EIF3G: variants seen among roughly 807,000 people sequenced by gnomAD.
The protein encoded by EIF3G is eukaryotic translation initiation factor 3 RNA-binding subunit.
In EIF3G, 10 loss-of-function variants were observed where a neutral mutation model predicts 41.7. The observed-to-expected ratio is 0.24, with a 90% CI of 0.15 to 0.41. The LOEUF (loss-of-function observed/expected upper bound fraction) is 0.41, where lower values mean the gene tolerates loss of function less well. Among genes scored for constraint, EIF3G ranks in the 10% least tolerant of loss-of-function variants. The pLI is 1.00. For synonymous variants in EIF3G, 204 were observed against 172.5 expected (o/e 1.18, Z -1.43); for missense variants, 297 against 444.0 (o/e 0.67, Z 2.98).
chr19:10,115,200 T>C (rs2089219659), intron 10 of EIF3G, 71 bp from the exon 11 acceptor site: 3 of 1,580,460 alleles, frequency 1.9e-6, no homozygotes, highest in Non-Finnish European at 2.6e-6. Context: ...CCAAGTGGCA[T>C]CTTGGGGGTG....
Position 10,116,673 on chromosome 19 carries a change from C to T in EIF3G, c.595+127G>A, listed in dbSNP as rs539405988. On this transcript the variant is annotated intron_variant, in intron 7 of 10. Transcript: ENST00000253108. This position sits in a 1 kb window ranked among gnomAD's most constrained non-coding sequence, Gnocchi z 4.1. ...TAGGAGGTACAGCCAATTAGGAAGG[C>T]ACAGACGCCCCGAGGAGAGTCTGGC... 1 of 963,308 alleles carries T rather than the reference C, an allele frequency of 1.0e-6. No individual in the cohort carries two copies. The highest frequency in any genetic ancestry group is 1.6e-5 in the African/African-American group (1 of 61,422). 59.7% of individuals were successfully genotyped at this position (963,308 alleles called of 1,614,324 possible). A position where few individuals can be genotyped will look rare whatever the true frequency, so the allele number is the denominator to read the frequency against.
At position 10,115,826 on chromosome 19, in the gene EIF3G, T is replaced by C; in HGVS notation, c.704-6A>G. The C allele has an allele frequency of 6.2e-7, 1 of 1,611,498 alleles. No individual in the cohort carries two copies. Among genetic ancestry groups the C allele is most frequent in the Non-Finnish European group, 8.5e-7 (1 of 1,179,662 alleles). ...GATGGTGGCGTTGTCGTCGGCTGTG[T>C]GGGAGAGGGGAGGTGGCTGTGAGGG... On this transcript the variant is annotated splice_polypyrimidine_tract_variant and splice_region_variant and intron_variant, in intron 8 of 10. Transcript: ENST00000253108.
At chr19:10,117,428 G>A (rs980913777) in intron 5 of EIF3G, 10 of 520,764 alleles carry the variant, frequency 1.9e-5, no homozygotes, top group Admixed American at 1.0e-4. Flanking sequence ...GCTACACAGC[G>A]TGGGGCCTGC....
rs1257254206 is a variant in EIF3G at position 10,116,690 on chromosome 19, G to A, written c.595+110C>T. 7.0e-6 allele frequency: 8 copies of A among 1,135,596 alleles called. No homozygotes were observed. The highest frequency in any genetic ancestry group is 8.6e-6 in the Non-Finnish European group (7 of 812,620). 70.3% of individuals were successfully genotyped at this position (1,135,596 alleles called of 1,614,324 possible). A position where few individuals can be genotyped will look rare whatever the true frequency, so the allele number is the denominator to read the frequency against. On this transcript the variant is annotated intron_variant, in intron 7 of 10. Transcript: ENST00000253108. The surrounding 1 kb of genome is among the most constrained non-coding windows in gnomAD (Gnocchi z 4.1). ...TAGGAAGGCACAGACGCCCCGAGGA[G>A]AGTCTGGCACCATCAAACCCGCTGC...
At position 10,119,664 on chromosome 19, in the gene EIF3G, C is replaced by G. The variant is rs749415592; in HGVS notation, c.57G>C (p.Glu19Asp). ...ACCGTGTACACTTACCGTCCTCCCC[C>G]TCCTCCTCCACCTGGTCGGCCCAAC... ...KPSWADQVEE[E>D]GEDDKCVTSE... Residue 19 changes from glutamate to aspartate, a missense_variant, in exon 2 of 11, where the codon GAG becomes GAC. Physicochemically the swap from Glu to Asp is conservative, Grantham distance 45 (BLOSUM62 2). Transcript: ENST00000253108. 6 of 1,579,232 alleles carry G rather than the reference C, an allele frequency of 3.8e-6. No homozygotes were observed. The highest frequency in any genetic ancestry group is 1.2e-5 in the South Asian group (1 of 85,294).
rs2089289677 is a variant in EIF3G at position 10,119,682 on chromosome 19, G to T, written c.39C>A (p.Ala13=). The T allele has an allele frequency of 5.0e-6, 8 of 1,591,854 alleles. No homozygotes were observed. In the East Asian group the frequency reaches 1.6e-4, roughly 31 times the overall value. The stretch of plus-strand genomic sequence containing the variant: ...CCTCCCCCTCCTCCTCCACCTGGTC[G>T]GCCCAACTGGGCTTCGAACTGCGGA... The part of the protein sequence containing the change: ...TGDFDSKPSW[A]DQVEEEGEDD... The change falls in exon 2 of 11, where the codon GCC becomes GCA. Residue 13 remains alanine (A), a synonymous_variant. Transcript: ENST00000253108.
At position 10,119,860 on chromosome 19, in the gene EIF3G, C is replaced by T. The variant is rs1462945583; in HGVS notation, c.-1G>A. The T allele has an allele frequency of 6.2e-7, 1 of 1,614,182 alleles. No individual in the cohort carries two copies. The highest frequency in any genetic ancestry group is 8.5e-7 in the Non-Finnish European group (1 of 1,180,038). On this transcript the variant is annotated 5_prime_UTR_variant, in exon 1 of 11. Coordinates refer to ENST00000253108, the MANE Select transcript of EIF3G (RefSeq NM_003755.5). ...CTCACTCAAAGTCTCCAGTAGGCATCGCAAAAAGTATTCTCCACGCAGCCC... is the reference window on the plus strand; with the variant it reads ...CTCACTCAAAGTCTCCAGTAGGCATTGCAAAAAGTATTCTCCACGCAGCCC...
intron 6 of EIF3G, 45 bp from the exon 7 acceptor site, chr19:10,117,034 C>T: frequency 6.2e-7 from 1 of 1,603,246 alleles, no homozygotes; most frequent in Non-Finnish European, 8.5e-7. Flanking sequence ...GCTAAGGCAC[C>T]CCCTTTGCCC....
intron 5 of EIF3G, 81 bp from the exon 6 acceptor site, chr19:10,117,269 G>A (rs1342383981): frequency 2.0e-6 from 2 of 1,015,122 alleles, no homozygotes; most frequent in Non-Finnish European, 2.9e-6. Flanking sequence ...ACCTACAACA[G>A]CCACCCCCAG....
rs141171264 is a variant in EIF3G at position 10,117,150 on chromosome 19, G to A, written c.339C>T (p.Pro113=). 8.1e-4 allele frequency: 1,306 copies of A among 1,611,616 alleles called. 2 individuals carry two copies. The highest frequency in any genetic ancestry group is 1.0e-3 in the Non-Finnish European group (1,182 of 1,178,742). ...CAGTGGTGGTGGCCACATTGGGTCC[G>A]GGGGGGTCAAACTCTGAGTTCCCGA... is the stretch of plus-strand genomic sequence containing the variant. ...KKFGNSEFDP[P]GPNVATTTVS... Residue 113 remains proline (P), a synonymous_variant, in exon 6 of 11, where the codon CCC becomes CCT. Coordinates refer to ENST00000253108, the MANE Select transcript of EIF3G (RefSeq NM_003755.5).
chr19:10,118,645 G>C (rs1360495999), intron 5 of EIF3G, 23 bp downstream of exon 5: 1 of 1,613,404 alleles, frequency 6.2e-7, no homozygotes, highest in Non-Finnish European at 8.5e-7. Flanking sequence ...CTCTAGGTTA[G>C]CCCTGGGGAA....
chr19:10,119,204 C>T (rs1462865265), intron 2 of EIF3G, 33 bp from the exon 3 acceptor site: 3 of 1,554,790 alleles, frequency 1.9e-6, no homozygotes, highest in South Asian at 2.4e-5. Context: ...GAGGAGTCAG[C>T]TCCAGGGGCA....
At chr19:10,119,012 G>A (rs1474549551) in intron 3 of EIF3G, 56 bp from the exon 4 acceptor site, 1 of 1,613,350 alleles carries the variant, frequency 6.2e-7, no homozygotes, top group Non-Finnish European at 8.5e-7. Context: ...GGGATCAGGA[G>A]CGGCAGGGCT....
Position 10,119,144 on chromosome 19 carries a change from T to C in EIF3G, c.95A>G (p.Lys32Arg). ...GTCACCTGTGGCCAGAGGGATCCCCTTGAGGAGCTCGCTGGTGACACATTT... is the reference window on the plus strand; with the variant it reads ...GTCACCTGTGGCCAGAGGGATCCCCCTGAGGAGCTCGCTGGTGACACATTT... Reference protein sequence around the residue: ...DDKCVTSELLKGIPLATGDTS... With the variant: ...DDKCVTSELLRGIPLATGDTS... The change falls in exon 3 of 11, where the codon AAG (lysine) becomes AGG (arginine). Residue 32 changes from lysine (K) to arginine (R), a missense_variant. Physicochemically the swap from Lys to Arg is conservative, Grantham distance 26 (BLOSUM62 2). Around this residue, in one of 4 missense-constraint regions of EIF3G, gnomAD observed 147 missense variants for 162.4 expected, o/e 0.91. Transcript: ENST00000253108. 1.3e-6 allele frequency: 2 copies of C among 1,596,582 alleles called. No homozygotes were observed. The highest frequency in any genetic ancestry group is 1.7e-6 in the Non-Finnish European group (2 of 1,170,930).
Position 10,116,520 on chromosome 19 carries a change from A to G in EIF3G, c.595+280T>C, listed in dbSNP as rs113538391. ...CGGAGACACTATACACACAGTGCGCACACACGATGTGGGGTGGTCAGCACC... is the reference window on the plus strand; with the variant it reads ...CGGAGACACTATACACACAGTGCGCGCACACGATGTGGGGTGGTCAGCACC... On this transcript the variant is annotated intron_variant, in intron 7 of 10. Coordinates refer to ENST00000253108, the MANE Select transcript of EIF3G (RefSeq NM_003755.5). The surrounding 1 kb of genome is among the most constrained non-coding windows in gnomAD (Gnocchi z 4.1). 3.1e-3 allele frequency: 1,600 copies of G among 514,684 alleles called. 13 individuals are homozygous for G. Among genetic ancestry groups the G allele is most frequent in the African/African-American group, 0.019 (1,018 of 52,648 alleles). 31.9% of individuals were successfully genotyped at this position (514,684 alleles called of 1,614,324 possible).
chr19:10,119,530 G>C, intron 2 of EIF3G, 124 bp downstream of exon 2: 1 of 1,298,260 alleles, frequency 7.7e-7, no homozygotes, highest in Non-Finnish European at 1.1e-6. Context: ...GTCCCAAGGA[G>C]GATGGCGCGG....
At position 10,115,950 on chromosome 19, in the gene EIF3G, G is replaced by A. The variant is rs781660556; in HGVS notation, c.703+17C>T. On this transcript the variant is annotated intron_variant, in intron 8 of 10. Transcript: ENST00000253108. The stretch of plus-strand genomic sequence containing the variant: ...GGAGGTGCCCACCCACCAGCCTGGC[G>A]TCGGGGTGCCCCTCACCTCTGCGGT... 2.2e-5 allele frequency: 30 copies of A among 1,385,930 alleles called. No individual in the cohort carries two copies. The highest frequency in any genetic ancestry group is 1.6e-4 in the Admixed American group (9 of 56,138). The allele number at this position is 1,385,930 out of a possible 1,614,324, so 85.9% of individuals were successfully genotyped here.
intron 5 of EIF3G, chr19:10,118,156 A>G (rs1378141208): frequency 6.5e-6 from 1 of 152,826 alleles, no homozygotes; most frequent in East Asian, 1.9e-4. Flanking sequence ...TTGATTAGAT[A>G]TTTATCATCA....
At position 10,116,258 on chromosome 19, in the gene EIF3G, A is replaced by G. The variant is rs2089247210; in HGVS notation, c.596-184T>C. Reference sequence around the variant, plus strand: ...AGAAGCTGACACCATTTGAGCTCCCAGCCAGCGACACTGGTGGAGGAGGAG... The same window carrying G: ...AGAAGCTGACACCATTTGAGCTCCCGGCCAGCGACACTGGTGGAGGAGGAG... On this transcript the variant is annotated intron_variant, in intron 7 of 10. Transcript: ENST00000253108. The surrounding 1 kb of genome is among the most constrained non-coding windows in gnomAD (Gnocchi z 4.1). 2 of 622,604 alleles carry G rather than the reference A, an allele frequency of 3.2e-6. No homozygotes were observed. Among genetic ancestry groups the G allele is most frequent in the Non-Finnish European group, 5.6e-6 (2 of 356,346 alleles). 38.6% of individuals were successfully genotyped at this position (622,604 alleles called of 1,614,324 possible).
Sources: gnomAD v4.1 joint callset for allele counts on GRCh38, gnomAD v4.1.1 for gene constraint, gnomAD v4.1.1 regional missense constraint, Gnocchi (gnomAD v3.1) non-coding constraint, MANE v1.5 for transcripts, NCBI Gene and HGNC (gene_info 2026-07-23, HGNC 2026-07-21) for gene names.